Variants in GPAT4 observed in about 807,000 individuals in gnomAD.
GPAT4 encodes the protein glycerol-3-phosphate acyltransferase 4.
In GPAT4, 17 loss-of-function variants were observed where a neutral mutation model predicts 58.0. The ratio of observed to expected loss-of-function variants is 0.29; its 90% confidence interval spans 0.20 to 0.44. The LOEUF (loss-of-function observed/expected upper bound fraction) is 0.44, where lower values mean the gene tolerates loss of function less well. GPAT4 is among the 20% of genes least tolerant of loss of function. The pLI is 1.00. For synonymous variants in GPAT4, 204 were observed against 210.1 expected, an observed-to-expected ratio of 0.97 and a Z score of 0.25; for missense variants, 377 against 574.5, an observed-to-expected ratio of 0.66 and a Z score of 3.51.
chr8:41,592,573 A>G (rs1802816893), intron 1 of GPAT4, among the ~76,000 whole-genome samples: 2 of 152,244 alleles, frequency 1.3e-5, no homozygotes, highest in South Asian at 4.2e-4. Context: ...GTAGGTACTA[A>G]TTCTCGGGCT....
chr8:41,615,339 T>C (rs1365063904), intron 10 of GPAT4, among the ~76,000 whole-genome samples: 1 of 152,130 alleles, frequency 6.6e-6, no homozygotes, highest in African/African-American at 2.4e-5. Flanking sequence ...ATTACCTTGC[T>C]TCATAAACCT....
intron 1 of GPAT4, among the ~76,000 whole-genome samples, chr8:41,584,512 A>G (rs1269951040): frequency 2.6e-5 from 4 of 152,194 alleles, no homozygotes; most frequent in African/African-American, 9.6e-5. Flanking sequence ...ATGCAGCAAC[A>G]TGGATGGTTC....
intron 1 of GPAT4, among the ~76,000 whole-genome samples, chr8:41,595,048 C>T (rs898446363): frequency 6.6e-6 from 1 of 151,828 alleles, no homozygotes; most frequent in East Asian, 1.9e-4. Context: ...ACACTTTTAA[C>T]TTTTAGCAGA....
intron 1 of GPAT4, among the ~76,000 whole-genome samples, chr8:41,588,937 T>C (rs1051307826): frequency 6.6e-6 from 1 of 152,244 alleles, no homozygotes; most frequent in Non-Finnish European, 1.5e-5. Context: ...GTGAGTTTGG[T>C]TGGAACCCAT....
At chr8:41,609,992 C>A in intron 4 of GPAT4, 37 bp downstream of exon 4, 1 of 1,562,818 alleles carries the variant, frequency 6.4e-7, no homozygotes, top group Non-Finnish European at 8.7e-7. Flanking sequence ...CTCGCTGCTG[C>A]CACCCCACGT....
intron 1 of GPAT4, among the ~76,000 whole-genome samples, chr8:41,597,009 A>G (rs1476250825): frequency 1.3e-5 from 2 of 152,198 alleles, no homozygotes; most frequent in African/African-American, 4.8e-5. Context: ...ATGGAACAGA[A>G]CAGGACAGGG....
At position 41,595,044 on chromosome 8, in the gene GPAT4, T is replaced by G. The variant is rs567098449; in HGVS notation, c.-848-3248T>G. Among the ~76,000 whole-genome samples the G allele has an allele frequency of 2.6e-5, 4 of 152,168 alleles. No homozygotes were observed. In the South Asian group the frequency reaches 6.2e-4, roughly 24 times the overall value. ...AGTTACTATAATATATGTTACACTT[T>G]TAACTTTTAGCAGACTTCAGTTTTG... On this transcript the variant is annotated intron_variant, in intron 1 of 12. Transcript: ENST00000396987.
At chr8:41,580,389 T>C (rs1425993443) in intron 1 of GPAT4, among the ~76,000 whole-genome samples, 1 of 152,218 alleles carries the variant, frequency 6.6e-6, no homozygotes, top group Non-Finnish European at 1.5e-5. Context: ...TCAGAAAGCC[T>C]TTCATGCCAT....
chr8:41,595,929 G>C (rs1426862727), intron 1 of GPAT4, among the ~76,000 whole-genome samples: 1 of 152,040 alleles, frequency 6.6e-6, no homozygotes, highest in African/African-American at 2.4e-5. Flanking sequence ...GCAGGGGTGG[G>C]GGGGTGTGAT....
chr8:41,581,625 CTTTTTTTTTTTTT>C (rs567790530), intron 1 of GPAT4, among the ~76,000 whole-genome samples: 1 of 110,558 alleles, frequency 9.0e-6, no homozygotes, highest in Non-Finnish European at 1.9e-5. Flanking sequence ...CCTTTGTTGA[CTTTTTTTTTTTTT>C]TTTTTTTTGA....
At chr8:41,588,150 A>G (rs1356160434) in intron 1 of GPAT4, among the ~76,000 whole-genome samples, 1 of 152,244 alleles carries the variant, frequency 6.6e-6, no homozygotes, top group East Asian at 1.9e-4. Context: ...ATGATAATAT[A>G]TACCATTCAT....
intron 1 of GPAT4, among the ~76,000 whole-genome samples, chr8:41,587,835 G>A (rs1802695749): frequency 6.6e-6 from 1 of 152,186 alleles, no homozygotes; most frequent in Non-Finnish European, 1.5e-5. Context: ...TTTGATGACA[G>A]TCGCTAAATT....
At chr8:41,585,841 TA>T (rs1216246406) in intron 1 of GPAT4, among the ~76,000 whole-genome samples, 1 of 152,226 alleles carries the variant, frequency 6.6e-6, no homozygotes, top group Non-Finnish European at 1.5e-5. Flanking sequence ...GAAGGATTTT[TA>T]AAAGACATCC....
intron 1 of GPAT4, among the ~76,000 whole-genome samples, chr8:41,589,705 A>G (rs1193627644): frequency 6.6e-6 from 1 of 152,144 alleles, no homozygotes; most frequent in African/African-American, 2.4e-5. Flanking sequence ...ATGAACCCAG[A>G]ATAACCTTGG....
rs1229345195 is a variant in GPAT4 at position 41,622,907 on chromosome 8, GTGTT to G, written c.*1910_*1913del. Reference sequence around the variant, plus strand: ...TCAGCTTTTATAGGTGATGTTTACAGTGTTTGTAAACCAACTGGAGGGATCAGTA... The same window carrying G: ...TCAGCTTTTATAGGTGATGTTTACAGTGTAAACCAACTGGAGGGATCAGTA... On this transcript the variant is annotated 3_prime_UTR_variant, in exon 13 of 13. Transcript: ENST00000396987. 8 of 152,256 alleles carry G rather than the reference GTGTT, an allele frequency of 5.3e-5. No individual in the cohort carries two copies. The highest frequency in any genetic ancestry group is 1.2e-4 in the Non-Finnish European group (8 of 68,046). 9.4% of individuals were successfully genotyped at this position (152,256 alleles called of 1,614,324 possible).
intron 1 of GPAT4, among the ~76,000 whole-genome samples, chr8:41,581,625 C>CCTTT (rs1563265939): frequency 9.0e-6 from 1 of 110,558 alleles, no homozygotes. Flanking sequence ...CCTTTGTTGA[C>CCTTT]TTTTTTTTTT....
intron 12 of GPAT4, 192 bp downstream of exon 12, chr8:41,619,169 A>T (rs918943719): frequency 1.5e-6 from 1 of 657,296 alleles, no homozygotes; most frequent in Non-Finnish European, 2.6e-6. Flanking sequence ...TGGATCAGGG[A>T]TGCCTGGACT....
At chr8:41,604,133 C>T (rs1305865469) in intron 2 of GPAT4, among the ~76,000 whole-genome samples, 3 of 144,470 alleles carry the variant, frequency 2.1e-5, no homozygotes, top group Admixed American at 1.4e-4. Flanking sequence ...TGTTGTGTGT[C>T]TACATTTTCT....
At chr8:41,603,316 C>T (rs569001337) in intron 2 of GPAT4, among the ~76,000 whole-genome samples, 29 of 152,164 alleles carry the variant, frequency 1.9e-4, no homozygotes, top group African/African-American at 2.6e-4. Context: ...CACCTGAGGT[C>T]GGGAGTTCGA....
Sources: allele counts gnomAD v4.1 joint callset (sites outside exome capture counted in the v4.1 genomes callset), GRCh38; gene constraint gnomAD v4.1.1; transcripts MANE v1.5; gene names NCBI Gene and HGNC (gene_info 2026-07-23, HGNC 2026-07-21).